The following LARGE1 variants were observed in gnomAD, a reference collection of about 807,000 sequenced individuals.
LARGE1 encodes xylosyl- and glucuronyltransferase LARGE1.
A neutral mutation model predicts 87.6 loss-of-function variants in LARGE1; 43 were observed. The observed-to-expected ratio is 0.49, with a 90% confidence interval of 0.38 to 0.63. The LOEUF (loss-of-function observed/expected upper bound fraction) is 0.63. Among genes scored for constraint, LARGE1 ranks in the 30% least tolerant of loss-of-function variants. LARGE1 has a pLI of 0.00. For missense variants in LARGE1, 802 were observed against 1,000.2 expected, an observed-to-expected ratio of 0.80 and a Z score of 2.67; for synonymous variants, 434 against 394.6, an observed-to-expected ratio of 1.10 and a Z score of -1.18.
intron 3 of LARGE1, among the ~76,000 whole-genome samples, chr22:33,629,669 G>A (rs58245348): frequency 0.018 from 2,702 of 152,256 alleles, 80 homozygotes; most frequent in African/African-American, 0.062. Context: ...TTGAAAGAAT[G>A]GGGTCACAAA....
intron 4 of LARGE1, among the ~76,000 whole-genome samples, chr22:33,615,232 C>G (rs2149029475): frequency 6.6e-6 from 1 of 151,958 alleles, no homozygotes; most frequent in South Asian, 2.1e-4. Context: ...GGTAGAAATA[C>G]TCAGTGATTG....
At chr22:33,244,230 C>T (rs535060897) in intron 11 of LARGE1, among the ~76,000 whole-genome samples, 20 of 152,014 alleles carry the variant, frequency 1.3e-4, no homozygotes, top group Admixed American at 7.9e-4. Context: ...CTCCTGACCT[C>T]GTGATCCGCC....
At chr22:33,557,117 G>A (rs1221281701) in intron 6 of LARGE1, among the ~76,000 whole-genome samples, 1 of 152,098 alleles carries the variant, frequency 6.6e-6, no homozygotes, top group Non-Finnish European at 1.5e-5. Flanking sequence ...AACCCTATGG[G>A]GCGGTTATTA....
At chr22:33,293,139 G>T (rs1277515409) in intron 12 of LARGE1, among the ~76,000 whole-genome samples, 1 of 152,214 alleles carries the variant, frequency 6.6e-6, no homozygotes, top group Admixed American at 6.5e-5. Flanking sequence ...GAGTTAGCCA[G>T]TCAGGAAAGG....
At chr22:33,347,519 G>T (rs2146703299) in intron 9 of LARGE1, among the ~76,000 whole-genome samples, 1 of 152,276 alleles carries the variant, frequency 6.6e-6, no homozygotes, top group Non-Finnish European at 1.5e-5. Flanking sequence ...CCTTTTCTTT[G>T]TCTAAGGGAC....
intron 6 of LARGE1, among the ~76,000 whole-genome samples, chr22:33,522,997 GTTTGT>G (rs536373038): frequency 5.3e-5 from 8 of 151,832 alleles, no homozygotes; most frequent in Admixed American, 2.6e-4. Flanking sequence ...GACTGTTTTT[GTTTGT>G]TTTGTTTTGT....
intron 6 of LARGE1, among the ~76,000 whole-genome samples, chr22:33,477,867 G>A (rs2069147030): frequency 6.6e-6 from 1 of 152,182 alleles, no homozygotes. Flanking sequence ...GACTGTCGCT[G>A]ATCTAAAATA....
chr22:33,708,789 C>T (rs555868564), intron 2 of LARGE1, among the ~76,000 whole-genome samples: 47 of 152,140 alleles, frequency 3.1e-4, no homozygotes, highest in Non-Finnish European at 4.7e-4. Context: ...TTAGTAAAGT[C>T]GGGGTTTCAC....
intron 2 of LARGE1, among the ~76,000 whole-genome samples, chr22:33,683,917 G>A (rs114703657): frequency 3.9e-5 from 6 of 152,214 alleles, no homozygotes; most frequent in Non-Finnish European, 7.4e-5. Flanking sequence ...TAGGTAAAGC[G>A]CCACCACAGT....
At chr22:33,879,416 T>C (rs1299905193) in intron 1 of LARGE1, among the ~76,000 whole-genome samples, 8 of 152,172 alleles carry the variant, frequency 5.3e-5, no homozygotes, top group African/African-American at 1.9e-4. Context: ...ATTTGACAGA[T>C]GATGAAACCA....
chr22:33,468,880 T>C (rs923812437), intron 6 of LARGE1, among the ~76,000 whole-genome samples: 2 of 152,116 alleles, frequency 1.3e-5, no homozygotes, highest in Non-Finnish European at 2.9e-5. Context: ...TCTCCATCAG[T>C]ATTTGCCTCC....
At chr22:33,102,251 C>T in the LARGE1 span, among the ~76,000 whole-genome samples, 1 of 151,958 alleles carries the variant, frequency 6.6e-6, no homozygotes, top group East Asian at 1.9e-4. Flanking sequence ...TCACTGCAAC[C>T]TCCGCCTCCT....
At chr22:33,783,051 C>T (rs1334540771) in intron 1 of LARGE1, among the ~76,000 whole-genome samples, 2 of 151,994 alleles carry the variant, frequency 1.3e-5, no homozygotes, top group African/African-American at 2.4e-5. Flanking sequence ...CTATGGTACT[C>T]AATTTACAGA....
chr22:33,559,849 C>T (rs535162714), intron 6 of LARGE1, among the ~76,000 whole-genome samples: 11 of 152,248 alleles, frequency 7.2e-5, no homozygotes, highest in East Asian at 1.9e-4. Context: ...TTCTCGAATC[C>T]TGTGAAAACT....
intron 1 of LARGE1, among the ~76,000 whole-genome samples, chr22:33,780,122 G>A (rs73170585): frequency 0.017 from 2,546 of 152,290 alleles, 25 homozygotes; most frequent in Middle Eastern, 0.068. Context: ...ACCTTCACGC[G>A]ACATTGTGCC....
At chr22:33,512,430 G>A (rs1283837477) in intron 6 of LARGE1, among the ~76,000 whole-genome samples, 1 of 152,104 alleles carries the variant, frequency 6.6e-6, no homozygotes, top group Non-Finnish European at 1.5e-5. Context: ...GAAAATAAAA[G>A]GCAGAAGTCA....
chr22:33,297,417 T>C (rs1227479764), intron 12 of LARGE1, among the ~76,000 whole-genome samples: 6 of 151,856 alleles, frequency 4.0e-5, no homozygotes, highest in South Asian at 2.1e-4. Context: ...GAGACCAGCC[T>C]GGCCAACACG....
chr22:33,480,013 G>A (rs750210821), intron 6 of LARGE1, among the ~76,000 whole-genome samples: 1 of 152,130 alleles, frequency 6.6e-6, no homozygotes, highest in Non-Finnish European at 1.5e-5. Context: ...CCAAAGTGCT[G>A]GGATTACAGG....
chr22:33,669,222 C>A (rs1461924564), intron 2 of LARGE1, among the ~76,000 whole-genome samples: 1 of 152,174 alleles, frequency 6.6e-6, no homozygotes, highest in Non-Finnish European at 1.5e-5. Context: ...TCTTTCAGGG[C>A]TGTTTTGAAA....
Sources: gnomAD v4.1 joint callset for allele counts (sites outside exome capture counted in the v4.1 genomes callset) on GRCh38, gnomAD v4.1.1 for gene constraint, MANE v1.5 for transcripts, NCBI Gene and HGNC (gene_info 2026-07-23, HGNC 2026-07-21) for gene names.